NELL1: variants seen among roughly 807,000 people sequenced by gnomAD.
The protein encoded by NELL1 is protein kinase C-binding protein NELL1.
In NELL1, 76 loss-of-function variants were observed where a neutral mutation model predicts 107.4. The ratio of observed to expected loss-of-function variants is 0.71; its 90% CI spans 0.59 to 0.86. The LOEUF is 0.86. Ranked by LOEUF, NELL1 falls within the 40% of genes least tolerant of loss-of-function variation. The pLI, the probability that NELL1 is intolerant of heterozygous loss-of-function variation, is 0.00. For missense variants in NELL1, 1,024 were observed against 1,005.5 expected (o/e 1.02, Z -0.25); for synonymous variants, 353 against 341.2 (o/e 1.03, Z -0.38).
At chr11:20,972,482 G>A (rs964161509) in intron 12 of NELL1, among the ~76,000 whole-genome samples, 1 of 152,126 alleles carries the variant, frequency 6.6e-6, no homozygotes, top group Non-Finnish European at 1.5e-5. Flanking sequence ...ATGGAGAAGT[G>A]TGGGGTGGTA....
chr11:21,203,976 T>C (rs1192245208), intron 13 of NELL1, among the ~76,000 whole-genome samples: 1 of 152,204 alleles, frequency 6.6e-6, no homozygotes, highest in Admixed American at 6.5e-5. Context: ...TTTAGAGAGA[T>C]CCACAGTTAG....
At chr11:21,128,996 C>T (rs917777719) in intron 13 of NELL1, among the ~76,000 whole-genome samples, 4 of 152,156 alleles carry the variant, frequency 2.6e-5, no homozygotes, top group African/African-American at 9.7e-5. Flanking sequence ...AGCTCTCAAA[C>T]CAGCTGGAGT....
chr11:21,535,982 A>C (rs1049875864), intron 16 of NELL1, among the ~76,000 whole-genome samples: 2 of 152,210 alleles, frequency 1.3e-5, no homozygotes, highest in Non-Finnish European at 2.9e-5. Context: ...GACATTAAGC[A>C]TGGTGGCTAA....
chr11:20,737,427 A>G (rs1393106080), intron 2 of NELL1, among the ~76,000 whole-genome samples: 2 of 152,330 alleles, frequency 1.3e-5, no homozygotes, highest in Middle Eastern at 6.8e-3. Flanking sequence ...AACAATTATT[A>G]TAATTGATAA....
intron 4 of NELL1, among the ~76,000 whole-genome samples, chr11:20,851,701 C>A (rs116141914): frequency 6.6e-6 from 1 of 152,296 alleles, no homozygotes; most frequent in Non-Finnish European, 1.5e-5. Context: ...TTCAGCCCAT[C>A]AAATTTATTT....
At chr11:20,778,706 T>C (rs1248349253) in intron 2 of NELL1, among the ~76,000 whole-genome samples, 1 of 152,102 alleles carries the variant, frequency 6.6e-6, no homozygotes, top group Non-Finnish European at 1.5e-5. Flanking sequence ...ATGTGAAATA[T>C]TCACTTTAAG....
At chr11:20,956,487 A>T (rs994730201) in intron 11 of NELL1, among the ~76,000 whole-genome samples, 13 of 152,028 alleles carry the variant, frequency 8.6e-5, no homozygotes, top group African/African-American at 2.9e-4. Flanking sequence ...TCTACTAAAA[A>T]TACAAAAAAT....
Position 20,919,319 on chromosome 11 carries a change from C to T in NELL1, c.744C>T (p.Ala248=), listed in dbSNP as rs921014335. Residue 248 remains alanine (A), a synonymous_variant, in exon 7 of 20, where the codon GCC becomes GCT. Transcript: ENST00000357134. ...QGIMDLQELL[A]KMTAKLNYAE... ...TAATGGATTTACAAGAGCTTTTGGCCAAGATGACTGCAAAAGTAGGTATCT... is the reference window on the plus strand; with the variant it reads ...TAATGGATTTACAAGAGCTTTTGGCTAAGATGACTGCAAAAGTAGGTATCT... 1 of 1,596,264 alleles carries T rather than the reference C, an allele frequency of 6.3e-7. No homozygotes were observed. Among genetic ancestry groups the T allele is most frequent in the South Asian group, 1.1e-5 (1 of 89,186 alleles).
At chr11:20,979,731 T>C (rs1201462122) in intron 12 of NELL1, among the ~76,000 whole-genome samples, 2 of 152,194 alleles carry the variant, frequency 1.3e-5, no homozygotes, top group Non-Finnish European at 2.9e-5. Flanking sequence ...GTTGAATTTC[T>C]TCTTGGTGAC....
intron 15 of NELL1, among the ~76,000 whole-genome samples, chr11:21,490,262 C>T (rs188291664): frequency 2.7e-3 from 407 of 151,694 alleles, no homozygotes; most frequent in African/African-American, 8.2e-3. Context: ...AGGAAAACTG[C>T]GAAACACTGA....
chr11:20,916,571 C>T (rs558251689), intron 5 of NELL1, among the ~76,000 whole-genome samples: 1 of 151,784 alleles, frequency 6.6e-6, no homozygotes, highest in Non-Finnish European at 1.5e-5. Context: ...TTCTGATGAA[C>T]AGGTATGGAT....
chr11:21,523,488 G>A (rs906764848), intron 15 of NELL1, among the ~76,000 whole-genome samples: 1 of 152,102 alleles, frequency 6.6e-6, no homozygotes, highest in Admixed American at 6.5e-5. Flanking sequence ...CTCTTCCTGT[G>A]TAAGCACCAG....
intron 4 of NELL1, among the ~76,000 whole-genome samples, chr11:20,855,055 C>A (rs1420091262): frequency 6.6e-6 from 1 of 152,200 alleles, no homozygotes; most frequent in Non-Finnish European, 1.5e-5. Context: ...TCTACTCATG[C>A]TATGTACCCT....
At chr11:21,507,150 C>T (rs1855300603) in intron 15 of NELL1, among the ~76,000 whole-genome samples, 1 of 152,210 alleles carries the variant, frequency 6.6e-6, no homozygotes, top group Non-Finnish European at 1.5e-5. Context: ...GACTGCTGAA[C>T]TCCTTCAATC....
chr11:21,184,354 C>T (rs1291254021), intron 13 of NELL1, among the ~76,000 whole-genome samples: 2 of 151,658 alleles, frequency 1.3e-5, no homozygotes, highest in Admixed American at 6.6e-5. Flanking sequence ...CTGCAACCTC[C>T]GCCTCCTGGG....
rs78991546 is a variant in NELL1, at chr11:21,210,402, T to C, written c.1427-18930T>C. 7.7e-3 allele frequency among the ~76,000 whole-genome samples: 1,179 copies of C among 152,228 alleles called. 12 individuals carry two copies. Among genetic ancestry groups the C allele is most frequent in the African/African-American group, 0.025 (1,027 of 41,560 alleles). ...TTTCTTGCCAACTTATTGTTATCTA[T>C]CCTTTTTATTTTAGGCATTCTAGTG... On this transcript the variant is annotated intron_variant, in intron 13 of 19. Transcript: ENST00000357134.
chr11:21,275,078 A>G (rs141518094), intron 14 of NELL1, among the ~76,000 whole-genome samples: 2,838 of 152,228 alleles, frequency 0.019, 95 homozygotes, highest in African/African-American at 0.065. Flanking sequence ...ATGGACACAC[A>G]AAAAAACCCT....
chr11:20,875,035 A>T (rs1050228176), intron 4 of NELL1, among the ~76,000 whole-genome samples: 4 of 152,206 alleles, frequency 2.6e-5, no homozygotes, highest in African/African-American at 4.8e-5. Flanking sequence ...AGTTCCTAGA[A>T]CTAAATGCGA....
At chr11:21,467,141 T>G (rs1267433967) in intron 15 of NELL1, among the ~76,000 whole-genome samples, 1 of 151,998 alleles carries the variant, frequency 6.6e-6, no homozygotes, top group Admixed American at 6.6e-5. Flanking sequence ...ACAAAAAGGT[T>G]AAAAGCAAGG....
Sources: gnomAD v4.1 joint callset for allele counts (sites outside exome capture counted in the v4.1 genomes callset) on GRCh38, gnomAD v4.1.1 for gene constraint, MANE v1.5 for transcripts, NCBI Gene and HGNC (gene_info 2026-07-23, HGNC 2026-07-21) for gene names.